Variants in CCDC88C observed in about 807,000 individuals in gnomAD.
The protein encoded by CCDC88C is coiled-coil and HOOK domain protein 88C, also known as protein Daple.
Under a neutral mutation model 198.8 loss-of-function variants are expected in CCDC88C, and 131 were observed. The observed-to-expected ratio is 0.66, with a 90% CI of 0.57 to 0.76. CCDC88C has a LOEUF of 0.76. CCDC88C is among the 30% of genes least tolerant of loss of function. The probability of loss-of-function intolerance (pLI) is 0.00; values close to 1 mark genes in which losing one functional copy is unlikely to be tolerated. For synonymous variants in CCDC88C, 1,166 were observed against 1,114.7 expected (o/e 1.05, Z -0.92); for missense variants, 2,553 against 2,631.6 (o/e 0.97, Z 0.65).
chr14:91,410,396 A>G lies in CCDC88C; in HGVS notation c.162-1629T>C, dbSNP rs1886734030. Among the ~76,000 whole-genome samples, 8 of 152,294 alleles carry G rather than the reference A, an allele frequency of 5.3e-5. 2 individuals are homozygous for G. In the South Asian group the frequency reaches 1.7e-3, roughly 32 times the overall value. On this transcript the variant is annotated intron_variant, in intron 2 of 29. Transcript: ENST00000389857. Reference sequence around the variant, plus strand: ...TGGGGAGTTAAGGAAATCAATCTCAATGCCATCTGGCTCATTCAAAGCCAA... The same window carrying G: ...TGGGGAGTTAAGGAAATCAATCTCAGTGCCATCTGGCTCATTCAAAGCCAA...
intron 23 of CCDC88C, among the ~76,000 whole-genome samples, chr14:91,291,287 C>G (rs924200263): frequency 6.6e-6 from 1 of 152,136 alleles, no homozygotes; most frequent in African/African-American, 2.4e-5. Flanking sequence ...AGCTCTATGA[C>G]CCTGAGATTT....
rs567740077 is a variant in CCDC88C, at chr14:91,303,593, C to T, written c.3635+108G>A. 44 of 1,200,626 alleles carry T rather than the reference C, an allele frequency of 3.7e-5. 2 individuals carry two copies. The South Asian group carries it at 6.9e-4, about 19-fold the overall frequency. The allele number at this position is 1,200,626 out of a possible 1,614,324, so 74.4% of individuals were successfully genotyped here. Reference sequence around the variant, plus strand: ...CACCCATCTTCCCCAGGCCCTGCCTCTCCCCTAGGTCCCACCCATCTACCC... The same window carrying T: ...CACCCATCTTCCCCAGGCCCTGCCTTTCCCCTAGGTCCCACCCATCTACCC... On this transcript the variant is annotated intron_variant, in intron 20 of 29. Coordinates refer to ENST00000389857, the MANE Select transcript of CCDC88C (RefSeq NM_001080414.4).
At chr14:91,353,174 G>A (rs1374277282) in intron 4 of CCDC88C, among the ~76,000 whole-genome samples, 1 of 152,152 alleles carries the variant, frequency 6.6e-6, no homozygotes, top group African/African-American at 2.4e-5. Flanking sequence ...GTCACAGAAG[G>A]CCTCCTCCTT....
chr14:91,336,407 G>A (rs563528220), intron 10 of CCDC88C, among the ~76,000 whole-genome samples: 4 of 152,362 alleles, frequency 2.6e-5, no homozygotes, highest in African/African-American at 9.6e-5. Flanking sequence ...AGATGTGGGA[G>A]TCACGTTCCA....
At chr14:91,415,236 C>T (rs896118074) in intron 2 of CCDC88C, among the ~76,000 whole-genome samples, 3 of 152,140 alleles carry the variant, frequency 2.0e-5, no homozygotes, top group East Asian at 1.9e-4. Flanking sequence ...AGACAGCTTC[C>T]GGAAAACTCA....
At chr14:91,343,753 A>C (rs956288602) in intron 4 of CCDC88C, 96 bp from the exon 5 acceptor site, 9 of 1,404,560 alleles carry the variant, frequency 6.4e-6, no homozygotes, top group African/African-American at 1.4e-5. Context: ...AAAAAAAATC[A>C]TCTCTCTACT....
intron 22 of CCDC88C, among the ~76,000 whole-genome samples, 155 bp downstream of exon 22, chr14:91,297,150 C>T (rs1891042410): frequency 6.6e-6 from 1 of 152,256 alleles, no homozygotes; most frequent in Non-Finnish European, 1.5e-5. Context: ...CCCGTCAGCA[C>T]CTCTGGCTTC....
At chr14:91,320,984 G>A (rs1354451080) in intron 13 of CCDC88C, 136 bp downstream of exon 13, 8 of 798,184 alleles carry the variant, frequency 1.0e-5, no homozygotes, top group Admixed American at 5.8e-5. Context: ...GACTGCGCCT[G>A]GATTCTGTCC....
intron 6 of CCDC88C, among the ~76,000 whole-genome samples, chr14:91,341,328 G>A (rs1893300813): frequency 1.3e-5 from 2 of 152,312 alleles, no homozygotes; most frequent in Non-Finnish European, 2.9e-5. Flanking sequence ...CTGCACCACA[G>A]CCACTTGCTG....
chr14:91,397,705 C>T (rs940968006), intron 3 of CCDC88C, among the ~76,000 whole-genome samples: 1 of 152,242 alleles, frequency 6.6e-6, no homozygotes, highest in Non-Finnish European at 1.5e-5. Flanking sequence ...TGAAGCAACC[C>T]GGTCCCTTCC....
intron 10 of CCDC88C, among the ~76,000 whole-genome samples, chr14:91,332,339 G>A (rs190154435): frequency 2.4e-4 from 37 of 152,264 alleles, no homozygotes; most frequent in African/African-American, 7.9e-4. Flanking sequence ...CCCCACGCCC[G>A]CCCGCACGCT....
At chr14:91,416,607 C>T (rs531352556) in intron 2 of CCDC88C, 131 bp downstream of exon 2, 3 of 709,760 alleles carry the variant, frequency 4.2e-6, no homozygotes, top group South Asian at 1.5e-5. Context: ...TACTGAGATA[C>T]CAGCGTCTCC....
At chr14:91,382,551 A>G (rs1452474665) in intron 3 of CCDC88C, among the ~76,000 whole-genome samples, 3 of 152,236 alleles carry the variant, frequency 2.0e-5, no homozygotes. Flanking sequence ...TCTACAGGAC[A>G]TGGGTCCTAC....
chr14:91,345,190 A>ATTTTTTTTT (rs58941451), intron 4 of CCDC88C, among the ~76,000 whole-genome samples: 17 of 52,198 alleles, frequency 3.3e-4, no homozygotes, highest in Non-Finnish European at 4.4e-4. Flanking sequence ...ATATATATAT[A>ATTTTTTTTT]TTTTTTTTTT....
intron 18 of CCDC88C, 103 bp downstream of exon 18, chr14:91,306,935 T>G (rs1380861090): frequency 4.8e-6 from 6 of 1,260,678 alleles, no homozygotes; most frequent in Non-Finnish European, 6.5e-6. Context: ...TGGCTAAATC[T>G]CCTGTGTTCT....
chr14:91,353,642 G>C (rs1301682706), intron 4 of CCDC88C, among the ~76,000 whole-genome samples: 1 of 152,226 alleles, frequency 6.6e-6, no homozygotes, highest in African/African-American at 2.4e-5. Flanking sequence ...GCAGTAGATA[G>C]AGTTCTGCAC....
At chr14:91,340,049 TGCAGGGGCG>T (rs1463792986) in intron 6 of CCDC88C, 25 bp from the exon 7 acceptor site, 1 of 1,607,094 alleles carries the variant, frequency 6.2e-7, no homozygotes, top group African/African-American at 1.3e-5. Flanking sequence ...GGCAGGGCAC[TGCAGGGGCG>T]GCAGAGACGG....
Position 91,338,275 on chromosome 14 carries a change from T to C in CCDC88C, c.892-112A>G. On this transcript the variant is annotated intron_variant, in intron 9 of 29. Coordinates refer to ENST00000389857, the MANE Select transcript of CCDC88C (RefSeq NM_001080414.4). The surrounding 1 kb of genome is among the most constrained non-coding windows in gnomAD (Gnocchi z 4.8). ...CCACGACGGCCCAGGACAAGCCAGC[T>C]CCTGGTGGCCGGGGGCCTCCATGTG... The C allele has an allele frequency of 7.4e-7, 1 of 1,358,124 alleles. No homozygotes were observed. Among genetic ancestry groups the C allele is most frequent in the African/African-American group, 1.4e-5 (1 of 69,568 alleles). The allele number at this position is 1,358,124 out of a possible 1,614,324, so 84.1% of individuals were successfully genotyped here.
chr14:91,319,468 C>T (rs567566403), intron 13 of CCDC88C, among the ~76,000 whole-genome samples: 1 of 152,304 alleles, frequency 6.6e-6, no homozygotes, highest in South Asian at 2.1e-4. Flanking sequence ...CACTGACCTG[C>T]TTGTTTTACC....
Sources: gnomAD v4.1 joint callset for allele counts (sites outside exome capture counted in the v4.1 genomes callset) on GRCh38, gnomAD v4.1.1 for gene constraint, Gnocchi (gnomAD v3.1) non-coding constraint, MANE v1.5 for transcripts, NCBI Gene and HGNC (gene_info 2026-07-23, HGNC 2026-07-21) for gene names.